The following AP3B1 variants were observed in gnomAD, a reference collection of about 807,000 sequenced individuals.
AP3B1 encodes the protein AP-3 complex subunit beta-1.
A neutral mutation model predicts 132.5 loss-of-function variants in AP3B1; 61 were observed. The ratio of observed to expected loss-of-function variants is 0.46; its 90% confidence interval spans 0.37 to 0.57. The LOEUF (loss-of-function observed/expected upper bound fraction) is 0.57. Among genes scored for constraint, AP3B1 ranks in the 20% least tolerant of loss-of-function variants. The pLI, the probability that AP3B1 is intolerant of heterozygous loss-of-function variation, is 0.00. For missense variants in AP3B1, 1,120 were observed against 1,289.4 expected (o/e 0.87, Z 2.01); for synonymous variants, 388 against 438.3 (o/e 0.89, Z 1.43).
At chr5:78,167,632 T>TACACAC (rs77249088) in intron 11 of AP3B1, among the ~76,000 whole-genome samples, 7 of 146,102 alleles carry the variant, frequency 4.8e-5, no homozygotes, top group Non-Finnish European at 7.5e-5. Context: ...GTTATATATA[T>TACACAC]ACACACACAC....
intron 9 of AP3B1, among the ~76,000 whole-genome samples, chr5:78,176,082 C>T (rs543596998): frequency 6.6e-6 from 1 of 152,218 alleles, no homozygotes; most frequent in East Asian, 1.9e-4. Context: ...TAATAAAGTG[C>T]TCCTAAAATA....
At chr5:78,175,743 G>T in intron 10 of AP3B1, 41 bp downstream of exon 10, 1 of 1,590,962 alleles carries the variant, frequency 6.3e-7, no homozygotes, top group Non-Finnish European at 8.6e-7. Context: ...GTACTAATGT[G>T]TTCATGTGTC....
intron 17 of AP3B1, among the ~76,000 whole-genome samples, chr5:78,117,134 C>T (rs1751877576): frequency 6.6e-6 from 1 of 151,530 alleles, no homozygotes; most frequent in Admixed American, 6.6e-5. Context: ...AGGGCCTTCA[C>T]CCTAGCTCTT....
intron 22 of AP3B1, chr5:78,088,847 GC>G (rs1429749105): frequency 5.2e-5 from 8 of 153,408 alleles, no homozygotes; most frequent in African/African-American, 1.9e-4. Context: ...GACGGTTTTT[GC>G]ATTATTTTGT....
At chr5:78,177,466 C>T in intron 8 of AP3B1, 30 bp from the exon 9 acceptor site, 1 of 1,495,792 alleles carries the variant, frequency 6.7e-7, no homozygotes, top group Non-Finnish European at 9.3e-7. Flanking sequence ...AATAACAGAA[C>T]TATGAACACT....
chr5:78,202,472 T>C (rs927228215), intron 7 of AP3B1, among the ~76,000 whole-genome samples: 2 of 151,592 alleles, frequency 1.3e-5, no homozygotes, highest in African/African-American at 4.9e-5. Flanking sequence ...CATGAGTAAA[T>C]AAAAAGTCTC....
At chr5:78,218,983 C>A (rs1320807079) in intron 6 of AP3B1, among the ~76,000 whole-genome samples, 1 of 152,130 alleles carries the variant, frequency 6.6e-6, no homozygotes, top group East Asian at 1.9e-4. Context: ...AACATCTGTA[C>A]AAACTCAGGG....
chr5:78,109,195 T>G (rs981278568), intron 20 of AP3B1, among the ~76,000 whole-genome samples: 5 of 152,102 alleles, frequency 3.3e-5, no homozygotes, highest in African/African-American at 1.2e-4. Flanking sequence ...AGACACAAGT[T>G]TTAAATATAA....
At chr5:78,010,480 A>C (rs564806497) in intron 26 of AP3B1, among the ~76,000 whole-genome samples, 2 of 152,230 alleles carry the variant, frequency 1.3e-5, no homozygotes, top group African/African-American at 4.8e-5. Flanking sequence ...AACCTTAGCG[A>C]TTTCGGAGCT....
chr5:78,039,472 G>A lies in AP3B1; in HGVS notation c.2578-198C>T, dbSNP rs76255614. On this transcript the variant is annotated intron_variant, in intron 22 of 26. Transcript: ENST00000255194. ...CAAAGAAGTAAATGCCCTCAAAACT[G>A]TATGAAAATTTTTCTGTAAGCGGCT... Among the ~76,000 whole-genome samples, 4,182 of 152,182 alleles carry A rather than the reference G, an allele frequency of 0.027. 194 individuals carry two copies. Among genetic ancestry groups the A allele is most frequent in the African/African-American group, 0.092 (3,816 of 41,510 alleles).
chr5:78,113,541 C>T lies in AP3B1; in HGVS notation c.2249+211G>A, dbSNP rs557449752. Among the ~76,000 whole-genome samples the T allele has an allele frequency of 7.9e-5, 12 of 152,116 alleles. No homozygotes were observed. In the South Asian group the frequency reaches 2.5e-3, roughly 32 times the overall value. On this transcript the variant is annotated intron_variant, in intron 19 of 26. Transcript: ENST00000255194. ...TATACCAATTTTCAAAATGTAACCC[C>T]AAGATATGTTCAAGTTCAAAATGAA...
At chr5:78,203,427 T>C (rs1343907552) in intron 7 of AP3B1, among the ~76,000 whole-genome samples, 2 of 152,112 alleles carry the variant, frequency 1.3e-5, no homozygotes, top group African/African-American at 2.4e-5. Flanking sequence ...CTCACTATCA[T>C]GAGAACAGTA....
intron 7 of AP3B1, among the ~76,000 whole-genome samples, chr5:78,202,518 G>A (rs532496762): frequency 5.9e-5 from 9 of 151,438 alleles, no homozygotes; most frequent in African/African-American, 9.7e-5. Context: ...CTGCTTTTGT[G>A]TGTGTACATA....
chr5:78,189,843 C>G (rs548370662), intron 7 of AP3B1, among the ~76,000 whole-genome samples: 1 of 148,526 alleles, frequency 6.7e-6, no homozygotes, highest in African/African-American at 2.5e-5. Flanking sequence ...GCACTCCAGA[C>G]TGGATGACAG....
chr5:78,269,030 A>C (rs150762682), intron 1 of AP3B1, among the ~76,000 whole-genome samples: 1 of 152,346 alleles, frequency 6.6e-6, no homozygotes, highest in African/African-American at 2.4e-5. Context: ...CTTTACCCTC[A>C]AAATACATTA....
chr5:78,033,479 T>G (rs551300150), intron 24 of AP3B1, among the ~76,000 whole-genome samples: 2 of 152,216 alleles, frequency 1.3e-5, no homozygotes, highest in East Asian at 1.9e-4. Flanking sequence ...AAGTTCACTA[T>G]GTTTAATCTA....
downstream of AP3B1, chr5:78,001,784 A>C (rs1002467710): frequency 6.6e-6 from 1 of 152,228 alleles, no homozygotes; most frequent in Admixed American, 6.5e-5. Context: ...TACTACCTGA[A>C]AGTCCATTAC....
At chr5:78,097,660 G>GT (rs1750927289) in intron 21 of AP3B1, among the ~76,000 whole-genome samples, 1 of 149,132 alleles carries the variant, frequency 6.7e-6, no homozygotes, top group African/African-American at 2.5e-5. Flanking sequence ...GAGGTGGGGG[G>GT]GTCAGCCCCC....
chr5:78,260,497 G>A (rs1420382329), intron 2 of AP3B1, among the ~76,000 whole-genome samples: 1 of 152,116 alleles, frequency 6.6e-6, no homozygotes, highest in Non-Finnish European at 1.5e-5. Context: ...GGGAGGCTGA[G>A]GCAGAAGAAT....
Sources: gnomAD v4.1 joint callset for allele counts (sites outside exome capture counted in the v4.1 genomes callset) on GRCh38, gnomAD v4.1.1 for gene constraint, MANE v1.5 for transcripts, NCBI Gene and HGNC (gene_info 2026-07-23, HGNC 2026-07-21) for gene names.